The following DLGAP1 variants were observed in gnomAD, a reference collection of about 807,000 sequenced individuals.
DLGAP1 encodes the protein DLG associated protein 1.
DLGAP1 carries 11 observed loss-of-function variants against 90.8 expected under a neutral mutation model. The observed-to-expected ratio is 0.12, with a 90% CI of 0.08 to 0.20. The LOEUF is 0.20. Ranked by LOEUF, DLGAP1 falls within the 10% of genes least tolerant of loss-of-function variation. The probability of loss-of-function intolerance (pLI) is 1.00; values close to 1 mark genes in which losing one functional copy is unlikely to be tolerated. For missense variants in DLGAP1, 1,050 were observed against 1,333.8 expected (o/e 0.79, Z 3.31); for synonymous variants, 558 against 540.7 (o/e 1.03, Z -0.44).
intron 1 of DLGAP1, among the ~76,000 whole-genome samples, chr18:4,354,842 T>C (rs529152262): frequency 8.7e-6 from 1 of 114,560 alleles, no homozygotes; most frequent in East Asian, 2.9e-4. Flanking sequence ...AAGAAGAAAC[T>C]AGAGGTACAG....
intron 7 of DLGAP1, among the ~76,000 whole-genome samples, chr18:3,718,526 A>G (rs9789189): frequency 0.65 from 98,246 of 151,914 alleles, 33,055 homozygotes; most frequent in African/African-American, 0.83. Flanking sequence ...CCAACTATCC[A>G]CCTCTAAGGA....
At chr18:3,580,850 C>G in intron 8 of DLGAP1, 13 of 1,324,070 alleles carry the variant, frequency 9.8e-6, no homozygotes, top group African/African-American at 1.5e-5. Flanking sequence ...GCTCTGCCCC[C>G]GGGGTGAGTG....
At chr18:4,134,979 C>T (rs896762415) in intron 2 of DLGAP1, among the ~76,000 whole-genome samples, 1 of 151,908 alleles carries the variant, frequency 6.6e-6, no homozygotes, top group Non-Finnish European at 1.5e-5. Context: ...GCAAAAAGCC[C>T]CACAGAATTT....
At chr18:3,581,552 C>G (rs1206353388) in intron 8 of DLGAP1, among the ~76,000 whole-genome samples, 2 of 151,486 alleles carry the variant, frequency 1.3e-5, no homozygotes, top group Non-Finnish European at 2.9e-5. Flanking sequence ...AATATTTGTA[C>G]TGCTCTCGTG....
chr18:4,143,255 C>G (rs1033183051), intron 2 of DLGAP1, among the ~76,000 whole-genome samples: 8 of 152,040 alleles, frequency 5.3e-5, no homozygotes, highest in African/African-American at 1.9e-4. Flanking sequence ...AATCCAGGAG[C>G]CAGGGCCTGG....
intron 7 of DLGAP1, among the ~76,000 whole-genome samples, chr18:3,662,224 AAAAACAAAAC>A (rs1259331245): frequency 6.6e-6 from 1 of 152,226 alleles, no homozygotes; most frequent in Non-Finnish European, 1.5e-5. Flanking sequence ...TGTGTTGAGT[AAAAACAAAAC>A]AAAACAAAAC....
intron 3 of DLGAP1, chr18:3,983,463 G>A (rs1487028576): frequency 6.6e-6 from 1 of 152,182 alleles, no homozygotes; most frequent in Non-Finnish European, 1.5e-5. Flanking sequence ...TGGCTTGCCA[G>A]CTCACACTAG....
chr18:3,551,194 C>CT (rs1478129648), intron 9 of DLGAP1, among the ~76,000 whole-genome samples: 5 of 141,336 alleles, frequency 3.5e-5, no homozygotes, highest in Middle Eastern at 3.6e-3. Context: ...CATATAAATG[C>CT]TTTTTTTCTG....
At chr18:4,092,623 G>C (rs1357641431) in intron 2 of DLGAP1, among the ~76,000 whole-genome samples, 5 of 152,016 alleles carry the variant, frequency 3.3e-5, no homozygotes, top group Non-Finnish European at 7.4e-5. Context: ...TTGTGCCTAG[G>C]GGCAGCACGA....
chr18:3,702,389 A>C (rs940909952), intron 7 of DLGAP1, among the ~76,000 whole-genome samples: 6 of 152,248 alleles, frequency 3.9e-5, no homozygotes, highest in African/African-American at 1.4e-4. Context: ...GCTTCACAGG[A>C]GTAAACATGT....
At chr18:4,329,175 T>C (rs1474958394) in intron 1 of DLGAP1, among the ~76,000 whole-genome samples, 1 of 152,000 alleles carries the variant, frequency 6.6e-6, no homozygotes, top group Non-Finnish European at 1.5e-5. Flanking sequence ...ATAAACCAGT[T>C]TGAATTGTTT....
At chr18:3,531,069 A>C (rs1177080051) in intron 10 of DLGAP1, among the ~76,000 whole-genome samples, 2 of 151,784 alleles carry the variant, frequency 1.3e-5, no homozygotes, top group Non-Finnish European at 2.9e-5. Context: ...AAAACTCACT[A>C]CTCTTTGACA....
At chr18:3,525,265 A>G (rs1306785242) in intron 10 of DLGAP1, among the ~76,000 whole-genome samples, 1 of 152,192 alleles carries the variant, frequency 6.6e-6, no homozygotes, top group Non-Finnish European at 1.5e-5. Context: ...TGGTAGCATC[A>G]TATACATCAT....
chr18:4,235,882 T>C (rs1341969779), intron 1 of DLGAP1, among the ~76,000 whole-genome samples: 2 of 151,976 alleles, frequency 1.3e-5, no homozygotes, highest in African/African-American at 2.4e-5. Context: ...TGCGCCACCA[T>C]GCCTGGCTAA....
At chr18:4,217,742 T>C (rs532499955) in intron 1 of DLGAP1, among the ~76,000 whole-genome samples, 1 of 152,252 alleles carries the variant, frequency 6.6e-6, no homozygotes, top group East Asian at 1.9e-4. Context: ...GATTTCTTTG[T>C]GTACTTTGGA....
At chr18:3,968,220 T>A (rs1409201743) in intron 3 of DLGAP1, among the ~76,000 whole-genome samples, 1 of 152,208 alleles carries the variant, frequency 6.6e-6, no homozygotes, top group Non-Finnish European at 1.5e-5. Flanking sequence ...AATCCTTCAC[T>A]GACCCTTAGT....
chr18:4,306,157 G>T (rs1275624566), intron 1 of DLGAP1, among the ~76,000 whole-genome samples: 3 of 151,538 alleles, frequency 2.0e-5, no homozygotes, highest in Non-Finnish European at 4.4e-5. Context: ...GGTGGATAAC[G>T]AATGACTGCT....
At chr18:4,358,200 C>T (rs1255414968) in intron 1 of DLGAP1, among the ~76,000 whole-genome samples, 1 of 152,136 alleles carries the variant, frequency 6.6e-6, no homozygotes, top group East Asian at 1.9e-4. Context: ...AAATAATATA[C>T]ATGCAAACAA....
intron 1 of DLGAP1, among the ~76,000 whole-genome samples, chr18:4,346,576 C>T (rs866716863): frequency 2.0e-5 from 3 of 152,086 alleles, no homozygotes; most frequent in African/African-American, 4.8e-5. Context: ...AACTGATAAT[C>T]GGGGAATTAG....
Sources: gnomAD v4.1 joint callset for allele counts (sites outside exome capture counted in the v4.1 genomes callset) on GRCh38, gnomAD v4.1.1 for gene constraint, MANE v1.5 for transcripts, NCBI Gene and HGNC (gene_info 2026-07-23, HGNC 2026-07-21) for gene names.